The following TMEM135 variants were observed in gnomAD, a reference collection of about 807,000 sequenced individuals.
The protein encoded by TMEM135 is peroxisomal membrane protein 52.
TMEM135 carries 30 observed loss-of-function variants against 60.3 expected under a neutral mutation model. That is an observed-to-expected ratio of 0.50 (90% CI 0.37 to 0.68). The LOEUF (loss-of-function observed/expected upper bound fraction) is 0.68. Ranked by LOEUF, TMEM135 falls within the 30% of genes least tolerant of loss-of-function variation. The pLI is 0.00. For missense variants in TMEM135, 468 were observed against 548.8 expected (o/e 0.85, Z 1.47); for synonymous variants, 190 against 186.7 (o/e 1.02, Z -0.14).
At chr11:87,133,352 A>G (rs1329407629) in intron 4 of TMEM135, among the ~76,000 whole-genome samples, 1 of 152,130 alleles carries the variant, frequency 6.6e-6, no homozygotes, top group Non-Finnish European at 1.5e-5. Context: ...TAATGAACCT[A>G]AAACATCATC....
At chr11:87,223,212 TG>T (rs1940684097) in intron 5 of TMEM135, among the ~76,000 whole-genome samples, 1 of 150,262 alleles carries the variant, frequency 6.7e-6, no homozygotes, top group African/African-American at 2.4e-5. Context: ...TCGCCCAGGC[TG>T]GAGCGCAGTG....
intron 8 of TMEM135, among the ~76,000 whole-genome samples, chr11:87,304,057 C>A (rs1431011185): frequency 6.6e-6 from 1 of 152,076 alleles, no homozygotes; most frequent in East Asian, 1.9e-4. Context: ...CGGTTGATAT[C>A]AGGATTTAAC....
intron 3 of TMEM135, among the ~76,000 whole-genome samples, chr11:87,087,981 G>A (rs145181629): frequency 1.5e-3 from 224 of 152,208 alleles, no homozygotes; most frequent in African/African-American, 5.0e-3. Context: ...CAGGTGATCC[G>A]CCCTCCTTGG....
chr11:87,081,994 G>A (rs1857002196), intron 3 of TMEM135, among the ~76,000 whole-genome samples: 2 of 152,108 alleles, frequency 1.3e-5, no homozygotes, highest in South Asian at 4.1e-4. Context: ...ATTAGGTGAT[G>A]CAGTTAACAA....
intron 6 of TMEM135, among the ~76,000 whole-genome samples, chr11:87,282,555 C>A (rs1315433513): frequency 2.0e-5 from 3 of 152,198 alleles, no homozygotes; most frequent in Non-Finnish European, 4.4e-5. Context: ...CGTGAGCCAC[C>A]GCATCCGGCC....
intron 7 of TMEM135, among the ~76,000 whole-genome samples, chr11:87,298,392 C>T (rs1027050857): frequency 3.3e-5 from 5 of 152,148 alleles, no homozygotes; most frequent in Admixed American, 2.0e-4. Flanking sequence ...ACATTGTTCT[C>T]TCAGAGGAAA....
intron 7 of TMEM135, among the ~76,000 whole-genome samples, chr11:87,296,496 A>G (rs1942350356): frequency 6.6e-6 from 1 of 152,186 alleles, no homozygotes; most frequent in African/African-American, 2.4e-5. Flanking sequence ...TATATCATAA[A>G]TGTTGCCTGT....
chr11:87,134,741 C>A (rs1354987302), intron 4 of TMEM135, among the ~76,000 whole-genome samples: 1 of 152,168 alleles, frequency 6.6e-6, no homozygotes, highest in Admixed American at 6.6e-5. Context: ...CCACTTTGTC[C>A]TTTTGAGTAG....
At chr11:87,264,429 T>C (rs367778644) in intron 6 of TMEM135, among the ~76,000 whole-genome samples, 6 of 151,890 alleles carry the variant, frequency 4.0e-5, no homozygotes, top group African/African-American at 1.4e-4. Context: ...TTGACAAGTA[T>C]GTAGATAAAT....
At chr11:87,145,667 C>G (rs1938394587) in intron 4 of TMEM135, among the ~76,000 whole-genome samples, 1 of 148,258 alleles carries the variant, frequency 6.7e-6, no homozygotes, top group East Asian at 2.1e-4. Flanking sequence ...ATTTGCATTT[C>G]TCTGCTAATT....
intron 4 of TMEM135, among the ~76,000 whole-genome samples, chr11:87,125,606 A>G (rs564932): frequency 0.76 from 115,351 of 152,174 alleles, 44,601 homozygotes; most frequent in East Asian, 0.91. Flanking sequence ...AAAGCAGATT[A>G]TATTTAGGAT....
chr11:87,137,987 C>T (rs535352732), intron 4 of TMEM135, among the ~76,000 whole-genome samples: 11 of 152,042 alleles, frequency 7.2e-5, no homozygotes, highest in Non-Finnish European at 1.0e-4. Flanking sequence ...TTCTTAAAAC[C>T]GCTGTTAAGG....
intron 5 of TMEM135, among the ~76,000 whole-genome samples, chr11:87,166,071 C>G (rs1156749842): frequency 6.6e-6 from 1 of 151,420 alleles, no homozygotes; most frequent in Admixed American, 6.6e-5. Flanking sequence ...AGACCAATAA[C>G]AGGATCTGAA....
At chr11:87,073,245 G>T (rs1856805043) in intron 3 of TMEM135, among the ~76,000 whole-genome samples, 1 of 152,104 alleles carries the variant, frequency 6.6e-6, no homozygotes, top group African/African-American at 2.4e-5. Context: ...TTGTTGGCCA[G>T]TATGGTCTTG....
chr11:87,080,605 T>C (rs781199875), intron 3 of TMEM135, among the ~76,000 whole-genome samples: 2 of 152,218 alleles, frequency 1.3e-5, no homozygotes, highest in Non-Finnish European at 2.9e-5. Context: ...GATGTCATGA[T>C]GAATTGAACC....
intron 5 of TMEM135, among the ~76,000 whole-genome samples, chr11:87,208,261 G>A (rs1940282574): frequency 6.6e-6 from 1 of 152,184 alleles, no homozygotes; most frequent in Non-Finnish European, 1.5e-5. Context: ...TTCAGAATCT[G>A]TGTGGCAAGG....
intron 4 of TMEM135, among the ~76,000 whole-genome samples, chr11:87,130,050 G>A (rs990912111): frequency 6.6e-6 from 1 of 151,844 alleles, no homozygotes; most frequent in African/African-American, 2.4e-5. Context: ...TCTTCAGTGG[G>A]CTTCTAGATT....
In TMEM135 at chr11:87,327,431, G is replaced by A. The variant is rs1354344049; in HGVS notation, c.*6098G>A. 2.2e-6 allele frequency: 1 copy of A among 454,044 alleles called. No individual in the cohort carries two copies. The highest frequency in any genetic ancestry group is 1.6e-5 in the South Asian group (1 of 64,468). The allele number at this position is 454,044 out of a possible 1,614,324, so 28.1% of individuals were successfully genotyped here. ...CACTGAATGGTGCCATTAACCATCT[G>A]CATTTGAGCATTTTGAGAAAATAAA... On this transcript the variant is annotated 3_prime_UTR_variant, in exon 15 of 15. Coordinates refer to ENST00000305494, the MANE Select transcript of TMEM135 (RefSeq NM_022918.4).
intron 5 of TMEM135, among the ~76,000 whole-genome samples, chr11:87,218,255 T>C (rs550795854): frequency 6.6e-6 from 1 of 152,316 alleles, no homozygotes; most frequent in African/African-American, 2.4e-5. Flanking sequence ...TCTAGGGATT[T>C]AACTTAGAAG....
Sources: gnomAD v4.1 joint callset for allele counts (sites outside exome capture counted in the v4.1 genomes callset) on GRCh38, gnomAD v4.1.1 for gene constraint, MANE v1.5 for transcripts, NCBI Gene and HGNC (gene_info 2026-07-23, HGNC 2026-07-21) for gene names.